Variants in GRIP1 observed in about 807,000 individuals in gnomAD.
GRIP1 encodes the protein glutamate receptor-interacting protein 1.
Under a neutral mutation model 129.9 loss-of-function variants are expected in GRIP1, and 45 were observed. The observed-to-expected ratio is 0.35, with a 90% confidence interval of 0.27 to 0.44. GRIP1 has a LOEUF of 0.44. Ranked by LOEUF, GRIP1 falls within the 20% of genes least tolerant of loss-of-function variation. The pLI is 1.00. For missense variants in GRIP1, 1,196 were observed against 1,396.8 expected (o/e 0.86, Z 2.29); for synonymous variants, 530 against 520.8 (o/e 1.02, Z -0.24).
chr12:66,356,683 G>A (rs2054503885), intron 23 of GRIP1, among the ~76,000 whole-genome samples: 1 of 151,414 alleles, frequency 6.6e-6, no homozygotes, highest in African/African-American at 2.4e-5. Context: ...GTGTTTTCAA[G>A]CAAACACCAG....
intron 1 of GRIP1, among the ~76,000 whole-genome samples, chr12:66,899,052 G>T (rs1465735853): frequency 1.3e-5 from 2 of 152,142 alleles, no homozygotes; most frequent in Non-Finnish European, 2.9e-5. Flanking sequence ...TTCTGGTGTT[G>T]TATCCCTAGC....
chr12:66,645,359 C>T (rs896813505), intron 1 of GRIP1, among the ~76,000 whole-genome samples: 11 of 152,160 alleles, frequency 7.2e-5, no homozygotes, highest in African/African-American at 7.2e-5. Context: ...TTCTTCACTG[C>T]GCTACAGAAA....
chr12:66,548,729 G>A (rs1237106500), intron 2 of GRIP1, among the ~76,000 whole-genome samples: 1 of 152,130 alleles, frequency 6.6e-6, no homozygotes, highest in Non-Finnish European at 1.5e-5. Context: ...TTTGATTGGT[G>A]GATGTTGACA....
intron 1 of GRIP1, among the ~76,000 whole-genome samples, chr12:66,686,275 C>A (rs1380494087): frequency 1.3e-5 from 2 of 152,148 alleles, no homozygotes; most frequent in Non-Finnish European, 2.9e-5. Flanking sequence ...TACAGCCCAG[C>A]TAGTTGTTCA....
chr12:66,556,450 A>G (rs372522904), intron 2 of GRIP1, among the ~76,000 whole-genome samples: 31 of 152,276 alleles, frequency 2.0e-4, no homozygotes, highest in African/African-American at 6.5e-4. Flanking sequence ...AATCTGAAAG[A>G]AAAGGATGTT....
intron 1 of GRIP1, among the ~76,000 whole-genome samples, chr12:66,899,198 G>A (rs1462976963): frequency 6.6e-6 from 1 of 152,036 alleles, no homozygotes; most frequent in African/African-American, 2.4e-5. Context: ...CAGTCCCATA[G>A]AAAGTTGCAG....
At chr12:66,395,476 G>A (rs1320341207) in intron 16 of GRIP1, among the ~76,000 whole-genome samples, 1 of 152,194 alleles carries the variant, frequency 6.6e-6, no homozygotes, top group Non-Finnish European at 1.5e-5. Flanking sequence ...CTAAAATAAG[G>A]AGGAAAACCA....
chr12:66,619,759 C>G (rs1250240874), intron 1 of GRIP1, among the ~76,000 whole-genome samples: 2 of 152,104 alleles, frequency 1.3e-5, no homozygotes, highest in East Asian at 3.9e-4. Flanking sequence ...AAACAGATGA[C>G]TAGATATTAT....
Position 66,562,858 on chromosome 12 carries a change from G to A in GRIP1, c.137-20908C>T, listed in dbSNP as rs539617174. On this transcript the variant is annotated intron_variant, in intron 2 of 24. Transcript: ENST00000359742. ...GACAACATAAACACATATTGTGTAT[G>A]TTATATGTATGATATACTATATTCT... 2.7e-5 allele frequency among the ~76,000 whole-genome samples: 4 copies of A among 147,830 alleles called. No individual in the cohort carries two copies. In the East Asian group the frequency reaches 5.8e-4, roughly 22 times the overall value.
intron 1 of GRIP1, among the ~76,000 whole-genome samples, chr12:66,771,698 C>A (rs1327740024): frequency 2.6e-5 from 4 of 152,140 alleles, no homozygotes; most frequent in Non-Finnish European, 5.9e-5. Context: ...GGGTCCCACC[C>A]CAAGGCCAGA....
At chr12:66,368,542 G>A (rs1252978826) in intron 23 of GRIP1, among the ~76,000 whole-genome samples, 1 of 152,182 alleles carries the variant, frequency 6.6e-6, no homozygotes, top group Non-Finnish European at 1.5e-5. Flanking sequence ...TTGGAAAAGA[G>A]TACCAAGGAG....
intron 1 of GRIP1, among the ~76,000 whole-genome samples, chr12:66,829,557 C>T (rs2039479598): frequency 6.6e-6 from 1 of 152,132 alleles, no homozygotes. Context: ...CAATCAAAAA[C>T]AGGAAAAGAC....
chr12:66,573,207 C>T (rs543574030), intron 2 of GRIP1, among the ~76,000 whole-genome samples: 1 of 152,154 alleles, frequency 6.6e-6, no homozygotes, highest in African/African-American at 2.4e-5. Context: ...GGGCTGACAG[C>T]CAGCAAGAAA....
At chr12:66,560,618 T>C (rs576825348) in intron 2 of GRIP1, among the ~76,000 whole-genome samples, 59 of 152,134 alleles carry the variant, frequency 3.9e-4, no homozygotes, top group African/African-American at 1.3e-3. Flanking sequence ...AAATCAAAAC[T>C]ACAATTAAAT....
intron 1 of GRIP1, among the ~76,000 whole-genome samples, chr12:66,715,869 T>A (rs762963958): frequency 3.8e-4 from 57 of 151,970 alleles, no homozygotes; most frequent in Non-Finnish European, 1.3e-4. Flanking sequence ...AGAGGAACAT[T>A]CATCAGGCCA....
intron 1 of GRIP1, among the ~76,000 whole-genome samples, chr12:66,676,855 G>A (rs1241434273): frequency 6.6e-6 from 1 of 152,130 alleles, no homozygotes; most frequent in Non-Finnish European, 1.5e-5. Flanking sequence ...AGCACCACAA[G>A]TATGGGTGGG....
intron 3 of GRIP1, among the ~76,000 whole-genome samples, chr12:66,540,120 C>T (rs2061729628): frequency 6.6e-6 from 1 of 152,232 alleles, no homozygotes; most frequent in East Asian, 1.9e-4. Flanking sequence ...GTCAACTTAA[C>T]CGCCTAATGC....
chr12:66,472,113 C>T (rs1384997231), intron 7 of GRIP1, among the ~76,000 whole-genome samples: 1 of 152,226 alleles, frequency 6.6e-6, no homozygotes, highest in Non-Finnish European at 1.5e-5. Context: ...AATGTACTAT[C>T]AGGAGGCTGG....
At chr12:66,394,778 G>A (rs991035266) in intron 16 of GRIP1, among the ~76,000 whole-genome samples, 4 of 152,332 alleles carry the variant, frequency 2.6e-5, no homozygotes, top group East Asian at 1.9e-4. Flanking sequence ...CGCTGTTTCC[G>A]TTTTAAGCTT....
Sources: gnomAD v4.1 joint callset for allele counts (sites outside exome capture counted in the v4.1 genomes callset) on GRCh38, gnomAD v4.1.1 for gene constraint, MANE v1.5 for transcripts, NCBI Gene and HGNC (gene_info 2026-07-23, HGNC 2026-07-21) for gene names.